The following FKBP6 variants were observed in gnomAD, a reference collection of about 807,000 sequenced individuals.
The protein encoded by FKBP6 is FKBP prolyl isomerase family member 6 (inactive), also known as inactive peptidyl-prolyl cis-trans isomerase FKBP6.
A neutral mutation model predicts 41.7 loss-of-function variants in FKBP6; 29 were observed. The observed-to-expected ratio is 0.70, with a 90% CI of 0.52 to 0.95. FKBP6 has a LOEUF of 0.95. FKBP6 is among the 40% of genes least tolerant of loss of function. The pLI is 0.00. For synonymous variants in FKBP6, 130 were observed against 165.1 expected (o/e 0.79, Z 1.63); for missense variants, 338 against 408.7 (o/e 0.83, Z 1.49).
At chr7:73,345,064 G>A (rs1554550098) in intron 8 of FKBP6, among the ~76,000 whole-genome samples, 1 of 152,064 alleles carries the variant, frequency 6.6e-6, no homozygotes, top group African/African-American at 2.4e-5. Flanking sequence ...GCCATGCCAG[G>A]TGCACGATTG....
chr7:73,340,503 C>G, intron 5 of FKBP6, 135 bp from the exon 6 acceptor site: 1 of 724,712 alleles, frequency 1.4e-6, no homozygotes, highest in South Asian at 1.5e-5. Flanking sequence ...ATATACCTGA[C>G]TTCTTATGTT....
chr7:73,338,355 T>C (rs1805071430), intron 5 of FKBP6, among the ~76,000 whole-genome samples: 1 of 152,226 alleles, frequency 6.6e-6, no homozygotes, highest in African/African-American at 2.4e-5. Flanking sequence ...TACTTTTCCG[T>C]TGGATGGCTC....
chr7:73,353,331 C>G (rs1805541223), intron 8 of FKBP6, among the ~76,000 whole-genome samples: 1 of 152,198 alleles, frequency 6.6e-6, no homozygotes, highest in Non-Finnish European at 1.5e-5. Context: ...ACAAGGATAT[C>G]TTGGGGGGCA....
chr7:73,346,365 G>A (rs782741778), intron 8 of FKBP6, among the ~76,000 whole-genome samples: 12 of 152,198 alleles, frequency 7.9e-5, no homozygotes, highest in Non-Finnish European at 1.2e-4. Flanking sequence ...CTGACCTGCA[G>A]GGATTGGGGG....
intron 5 of FKBP6, chr7:73,336,732 T>C (rs1805016233): frequency 2.2e-6 from 1 of 456,442 alleles, no homozygotes. Flanking sequence ...ACAAACTTCA[T>C]TTTAATGAGG....
In FKBP6 at chr7:73,340,845, C is replaced by T; in HGVS notation, c.783+13C>T. The T allele has an allele frequency of 6.2e-7, 1 of 1,607,662 alleles. No homozygotes were observed. Among genetic ancestry groups the T allele is most frequent in the South Asian group, 1.1e-5 (1 of 90,910 alleles). The stretch of plus-strand genomic sequence containing the variant: ...CAGGTGTGGACAGGTGAGTTGGAAG[C>T]CAGTGACTTGGGAATAAACACCCAG... On this transcript the variant is annotated intron_variant, in intron 6 of 8. Transcript: ENST00000252037.
intron 8 of FKBP6, among the ~76,000 whole-genome samples, chr7:73,344,848 G>A (rs1805292444): frequency 6.6e-6 from 1 of 152,204 alleles, no homozygotes; most frequent in South Asian, 2.1e-4. Flanking sequence ...GCCTCCCAAA[G>A]TGCTGGGATT....
intron 2 of FKBP6, 134 bp downstream of exon 2, chr7:73,328,826 T>A: frequency 6.6e-7 from 1 of 1,513,876 alleles, no homozygotes; most frequent in Middle Eastern, 2.4e-4. Flanking sequence ...TTTTTGTTTT[T>A]GAAACGGGGT....
chr7:73,330,270 C>G lies in FKBP6; in HGVS notation c.386C>G (p.Pro129Arg), dbSNP rs1554547436. Residue 129 changes from proline to arginine, a missense_variant, in exon 4 of 9, where the codon CCA becomes CGA. By Grantham distance (103) the Pro-to-Arg change is moderately radical (BLOSUM62 -2). This residue lies in a region of FKBP6 where 239 missense variants were observed against 250.1 expected (regional missense o/e 0.96). Coordinates refer to ENST00000252037, the MANE Select transcript of FKBP6 (RefSeq NM_003602.5). Reference sequence around the variant, plus strand: ...CTGGGCTGCCCTCCCTTGATCCCCCCAAACACCACTGTCCTGTTTGAGATT... The same window carrying G: ...CTGGGCTGCCCTCCCTTGATCCCCCGAAACACCACTGTCCTGTTTGAGATT... ...GTLGCPPLIP[P>R]NTTVLFEIEL... The G allele has an allele frequency of 3.1e-6, 5 of 1,614,168 alleles. No individual in the cohort carries two copies. The East Asian group carries it at 8.9e-5, about 29-fold the overall frequency.
At chr7:73,344,593 ATT>A (rs34168874) in intron 8 of FKBP6, among the ~76,000 whole-genome samples, 78,538 of 150,870 alleles carry the variant, frequency 0.52, 21,375 homozygotes, top group South Asian at 0.59. Flanking sequence ...AACCAGGACA[ATT>A]TTTTTTTTTT....
At chr7:73,347,081 G>A (rs1343762154) in intron 8 of FKBP6, among the ~76,000 whole-genome samples, 1 of 152,152 alleles carries the variant, frequency 6.6e-6, no homozygotes, top group African/African-American at 2.4e-5. Context: ...CACCCACACG[G>A]TCAGCTTACC....
chr7:73,328,966 C>G (rs1206210355), intron 2 of FKBP6, among the ~76,000 whole-genome samples: 1 of 151,944 alleles, frequency 6.6e-6, no homozygotes, highest in Admixed American at 6.6e-5. Context: ...CCACCATGCC[C>G]GGCTAATTTT....
chr7:73,329,316 G>A (rs782793579), intron 2 of FKBP6, 44 bp from the exon 3 acceptor site: 3 of 1,046,924 alleles, frequency 2.9e-6, no homozygotes, highest in Non-Finnish European at 4.5e-6. Context: ...TGGTGGCGTG[G>A]GTGTTTTTGG....
At chr7:73,333,056 G>C (rs1804896686) in intron 5 of FKBP6, among the ~76,000 whole-genome samples, 1 of 152,174 alleles carries the variant, frequency 6.6e-6, no homozygotes, top group Admixed American at 6.5e-5. Flanking sequence ...TGGATAGCTT[G>C]AGGTCAGGAG....
At position 73,329,804 on chromosome 7, in the gene FKBP6, G is replaced by A. The variant is rs1804777999; in HGVS notation, c.266-346G>A. ...ACCCTTAAGGACCTCACAATGTAGTGGAGGAGACTGACCTGCACTCAGCTC... is the reference window on the plus strand; with the variant it reads ...ACCCTTAAGGACCTCACAATGTAGTAGAGGAGACTGACCTGCACTCAGCTC... On this transcript the variant is annotated intron_variant, in intron 3 of 8. Transcript: ENST00000252037. 3 of 521,666 alleles carry A rather than the reference G, an allele frequency of 5.8e-6. 1 individual carries two copies. Among genetic ancestry groups the A allele is most frequent in the South Asian group, 4.1e-5 (2 of 48,364 alleles). 32.3% of individuals were successfully genotyped at this position (521,666 alleles called of 1,614,324 possible).
At position 73,358,258 on chromosome 7, in the gene FKBP6, C is replaced by T. The variant is rs1805691113; in HGVS notation, c.*80C>T. 6.6e-6 allele frequency: 1 copy of T among 152,108 alleles called. No homozygotes were observed. The highest frequency in any genetic ancestry group is 1.5e-5 in the Non-Finnish European group (1 of 68,028). 9.4% of individuals were successfully genotyped at this position (152,108 alleles called of 1,614,324 possible). ...AGTGGAAGGGAGCTCCCAGCGCAGC[C>T]GTGGCAGCCACCTTCCAGGAGCAGG... On this transcript the variant is annotated 3_prime_UTR_variant, in exon 9 of 9. Coordinates refer to ENST00000252037, the MANE Select transcript of FKBP6 (RefSeq NM_003602.5).
At chr7:73,344,432 C>T (rs1368154960) in intron 8 of FKBP6, among the ~76,000 whole-genome samples, 1 of 152,194 alleles carries the variant, frequency 6.6e-6, no homozygotes, top group African/African-American at 2.4e-5. Context: ...AAGTAGCCAC[C>T]ACTGTCATAT....
At chr7:73,337,566 G>A (rs1195202374) in intron 5 of FKBP6, among the ~76,000 whole-genome samples, 3 of 151,962 alleles carry the variant, frequency 2.0e-5, no homozygotes, top group South Asian at 2.1e-4. Flanking sequence ...CGCCCGCCTC[G>A]GTCTCCCAAA....
intron 8 of FKBP6, among the ~76,000 whole-genome samples, chr7:73,351,277 G>A (rs1389254543): frequency 1.3e-5 from 2 of 152,080 alleles, no homozygotes; most frequent in African/African-American, 4.8e-5. Context: ...TGATTCATCC[G>A]CCTCAGCCTC....
Sources: gnomAD v4.1 joint callset for allele counts (sites outside exome capture counted in the v4.1 genomes callset) on GRCh38, gnomAD v4.1.1 for gene constraint, gnomAD v4.1.1 regional missense constraint, MANE v1.5 for transcripts, NCBI Gene and HGNC (gene_info 2026-07-23, HGNC 2026-07-21) for gene names.